Variants in KALRN observed in about 807,000 individuals in gnomAD.
KALRN encodes the protein kalirin RhoGEF kinase, also known as kalirin.
Under a neutral mutation model 353.7 loss-of-function variants are expected in KALRN, and 70 were observed. That is an observed-to-expected ratio of 0.20 (90% CI 0.16 to 0.24). The LOEUF (loss-of-function observed/expected upper bound fraction) is 0.24. Among genes scored for constraint, KALRN ranks in the 10% least tolerant of loss-of-function variants. KALRN has a pLI of 1.00. For missense variants in KALRN, 2,791 were observed against 3,756.7 expected, an observed-to-expected ratio of 0.74 and a Z score of 6.72; for synonymous variants, 1,391 against 1,434.8, an observed-to-expected ratio of 0.97 and a Z score of 0.69.
chr3:124,342,022 G>T (rs974297100), intron 9 of KALRN, among the ~76,000 whole-genome samples: 2 of 151,482 alleles, frequency 1.3e-5, no homozygotes, highest in African/African-American at 2.4e-5. Flanking sequence ...TAGGGGTGGG[G>T]TTAAGAGGGG....
chr3:124,489,034 T>G (rs1460539433), intron 29 of KALRN, among the ~76,000 whole-genome samples: 2 of 152,194 alleles, frequency 1.3e-5, no homozygotes, highest in Non-Finnish European at 2.9e-5. Flanking sequence ...GGGTGGAATT[T>G]GTTAGATGAG....
At chr3:124,125,167 G>A (rs1021677335) in intron 1 of KALRN, among the ~76,000 whole-genome samples, 2 of 152,160 alleles carry the variant, frequency 1.3e-5, no homozygotes, top group Non-Finnish European at 2.9e-5. Flanking sequence ...TTTCACATGG[G>A]TTATCTCATT....
intron 9 of KALRN, among the ~76,000 whole-genome samples, chr3:124,344,282 C>A (rs908278864): frequency 1.3e-5 from 2 of 152,140 alleles, no homozygotes; most frequent in African/African-American, 4.8e-5. Flanking sequence ...TGACAAATAT[C>A]CAGAATCTCA....
intron 37 of KALRN, among the ~76,000 whole-genome samples, chr3:124,647,712 G>C (rs1355184240): frequency 6.6e-6 from 1 of 152,136 alleles, no homozygotes; most frequent in East Asian, 1.9e-4. Flanking sequence ...GCATGTAGTA[G>C]ATGTTCAATA....
Position 124,671,762 on chromosome 3 carries a change from CT to C in KALRN, c.6807del (p.Val2270PhefsTer21). 6.2e-7 allele frequency: 1 copy of C among 1,614,160 alleles called. No individual in the cohort carries two copies. The highest frequency in any genetic ancestry group is 8.5e-7 in the Non-Finnish European group (1 of 1,179,976). On this transcript the variant is annotated frameshift_variant, in exon 48 of 60. Coordinates refer to ENST00000682506, the MANE Select transcript of KALRN (RefSeq NM_001388419.1). LOFTEE classifies it high-confidence loss of function. ...CAAGCCAGCCCCAGGCCCTACTCCT[CT>C]GTTCCTGCGGGCTCAGAGAAGCCCC... The part of the protein sequence containing the change: ...LPQASPRPYS[S>X]VPAGSEKPPK...
At chr3:124,668,198 G>A (rs11714268) in intron 47 of KALRN, among the ~76,000 whole-genome samples, 3,972 of 152,046 alleles carry the variant, frequency 0.026, 71 homozygotes, top group East Asian at 0.079. Context: ...ATGTACACAC[G>A]TACAGGCCCA....
chr3:124,398,602 C>A, intron 12 of KALRN, 95 bp from the exon 13 acceptor site: 1 of 1,211,184 alleles, frequency 8.3e-7, no homozygotes, highest in Non-Finnish European at 1.2e-6. Flanking sequence ...TGATTCACAT[C>A]CACCTTGCTC....
chr3:124,052,057 G>A (rs1349018086), intron 1 of KALRN, among the ~76,000 whole-genome samples: 2 of 152,184 alleles, frequency 1.3e-5, no homozygotes, highest in Non-Finnish European at 2.9e-5. Flanking sequence ...CAGGGGCATA[G>A]GAACCAAGTG....
intron 10 of KALRN, among the ~76,000 whole-genome samples, chr3:124,356,624 G>A (rs781355158): frequency 4.6e-5 from 7 of 152,108 alleles, no homozygotes; most frequent in Admixed American, 6.5e-5. Flanking sequence ...GTGCGCCACC[G>A]CACCTGGCCA....
chr3:124,243,673 AG>A lies in KALRN; in HGVS notation c.263+8733del, dbSNP rs142537757. Among the ~76,000 whole-genome samples the A allele has an allele frequency of 3.3e-3, 495 of 152,300 alleles. 6 individuals are homozygous for A. The highest frequency in any genetic ancestry group is 0.011 in the African/African-American group (476 of 41,560). Reference sequence around the variant, plus strand: ...AAATGCTGACACCTGGAAATTATGTAGGGTATTCCAGTCCAGGAAGAATGAA... The same window carrying A: ...AAATGCTGACACCTGGAAATTATGTAGGTATTCCAGTCCAGGAAGAATGAA... On this transcript the variant is annotated intron_variant, in intron 3 of 59. Transcript: ENST00000682506.
rs1165701437 is a variant in KALRN, at chr3:124,467,562, A to C, written c.4031+4929A>C. On this transcript the variant is annotated intron_variant, in intron 25 of 59. Coordinates refer to ENST00000682506, the MANE Select transcript of KALRN (RefSeq NM_001388419.1). ...GGGATGGCTTCCTTGATGATGGAAT[A>C]AAGTTTGAACAAAGGCCCTGCAAGG... Among the ~76,000 whole-genome samples, 3 of 152,208 alleles carry C rather than the reference A, an allele frequency of 2.0e-5. No individual in the cohort carries two copies. In the East Asian group the frequency reaches 5.8e-4, roughly 29 times the overall value.
rs562417624 is a variant in KALRN at position 124,358,449 on chromosome 3, C to T, written c.1770+11184C>T. Among the ~76,000 whole-genome samples the T allele has an allele frequency of 7.1e-4, 108 of 152,142 alleles. 1 individual carries two copies. Among genetic ancestry groups the T allele is most frequent in the African/African-American group, 2.6e-3 (108 of 41,512 alleles). On this transcript the variant is annotated intron_variant, in intron 10 of 59. Transcript: ENST00000682506. ...AAGATTGGCCTTTTCCAAAGAGATCCGAAAGGCAACAACAAAACAAAAATT... is the reference window on the plus strand; with the variant it reads ...AAGATTGGCCTTTTCCAAAGAGATCTGAAAGGCAACAACAAAACAAAAATT...
At chr3:124,399,999 G>A (rs987608499) in intron 13 of KALRN, among the ~76,000 whole-genome samples, 2 of 152,224 alleles carry the variant, frequency 1.3e-5, no homozygotes. Flanking sequence ...TATGGTAGGG[G>A]GAAAAGCCAA....
At chr3:124,191,236 C>T (rs995622133) in intron 1 of KALRN, among the ~76,000 whole-genome samples, 1 of 152,128 alleles carries the variant, frequency 6.6e-6, no homozygotes, top group Admixed American at 6.5e-5. Flanking sequence ...TTTATGGAGT[C>T]TTCATTGTAT....
intron 32 of KALRN, among the ~76,000 whole-genome samples, chr3:124,495,953 ATG>A (rs370871669): frequency 0.04 from 1,876 of 47,198 alleles, 174 homozygotes; most frequent in East Asian, 0.13. Flanking sequence ...AAGTGTGTGT[ATG>A]TGTATGTATG....
intron 28 of KALRN, among the ~76,000 whole-genome samples, chr3:124,485,412 G>T (rs893266690): frequency 4.6e-5 from 7 of 152,212 alleles, no homozygotes; most frequent in African/African-American, 1.7e-4. Context: ...AGGGAGAGAA[G>T]TTGAGGATGG....
At chr3:124,514,526 A>G (rs1184879876) in intron 33 of KALRN, among the ~76,000 whole-genome samples, 2 of 152,224 alleles carry the variant, frequency 1.3e-5, no homozygotes, top group Non-Finnish European at 2.9e-5. Context: ...TGAGCCTGGC[A>G]TTTTACATGT....
chr3:124,517,240 TCTC>T (rs2066711400), intron 33 of KALRN, among the ~76,000 whole-genome samples: 1 of 152,174 alleles, frequency 6.6e-6, no homozygotes, highest in African/African-American at 2.4e-5. Flanking sequence ...CAGAATCTCA[TCTC>T]CTCTCTGAAT....
chr3:124,390,480 G>A (rs1285895329), intron 11 of KALRN, among the ~76,000 whole-genome samples: 1 of 152,062 alleles, frequency 6.6e-6, no homozygotes, highest in African/African-American at 2.4e-5. Context: ...CGCCAACTCT[G>A]GAACCAAAAC....
Sources: gnomAD v4.1 joint callset for allele counts (sites outside exome capture counted in the v4.1 genomes callset) on GRCh38, gnomAD v4.1.1 for gene constraint, MANE v1.5 for transcripts, NCBI Gene and HGNC (gene_info 2026-07-23, HGNC 2026-07-21) for gene names.